ABI3BP: variants seen among roughly 807,000 people sequenced by gnomAD.
ABI3BP encodes the protein ABI family member 3 binding protein.
A neutral mutation model predicts 268.6 loss-of-function variants in ABI3BP; 216 were observed. The observed-to-expected ratio is 0.80, with a 90% CI of 0.72 to 0.90. ABI3BP has a LOEUF of 0.90. Ranked by LOEUF, ABI3BP falls within the 40% of genes least tolerant of loss-of-function variation. The probability of loss-of-function intolerance (pLI) is 0.00; values close to 1 mark genes in which losing one functional copy is unlikely to be tolerated. For synonymous variants in ABI3BP, 730 were observed against 730.0 expected (o/e 1.00, Z 0.00); for missense variants, 2,090 against 2,182.4 (o/e 0.96, Z 0.84).
In ABI3BP at chr3:100,830,701, T is replaced by G. The variant is rs1447524646; in HGVS notation, c.2402-67A>C. 4 of 1,323,502 alleles carry G rather than the reference T, an allele frequency of 3.0e-6. No homozygotes were observed. In the Admixed American group the frequency reaches 8.9e-5, roughly 29 times the overall value. 82.0% of individuals were successfully genotyped at this position (1,323,502 alleles called of 1,614,324 possible). On this transcript the variant is annotated intron_variant, in intron 31 of 67. Transcript: ENST00000471714. Reference sequence around the variant, plus strand: ...TGCATGAAATGTTGGAACATTCATCTTACCACCAAAAATCGGATTTCTAAG... The same window carrying G: ...TGCATGAAATGTTGGAACATTCATCGTACCACCAAAAATCGGATTTCTAAG...
chr3:100,810,250 T>C (rs2097824165), intron 49 of ABI3BP, among the ~76,000 whole-genome samples, 162 bp downstream of exon 49: 1 of 152,112 alleles, frequency 6.6e-6, no homozygotes, highest in Non-Finnish European at 1.5e-5. Flanking sequence ...AACACTGCCA[T>C]TTGAGTAATT....
chr3:100,830,305 G>C (rs2098470084), intron 32 of ABI3BP, among the ~76,000 whole-genome samples: 1 of 151,366 alleles, frequency 6.6e-6, no homozygotes, highest in African/African-American at 2.4e-5. Flanking sequence ...TTGAAACTTA[G>C]TAACAAAGAA....
At chr3:100,937,180 A>G (rs2066532396) in intron 1 of ABI3BP, among the ~76,000 whole-genome samples, 1 of 152,126 alleles carries the variant, frequency 6.6e-6, no homozygotes, top group Non-Finnish European at 1.5e-5. Context: ...AATGGCTGAA[A>G]TTAAAGACTG....
intron 9 of ABI3BP, among the ~76,000 whole-genome samples, chr3:100,868,247 C>T (rs935385211): frequency 6.6e-6 from 1 of 152,130 alleles, no homozygotes; most frequent in Non-Finnish European, 1.5e-5. Flanking sequence ...GGGTGGCTGG[C>T]CTGTATACTG....
At chr3:100,771,496 A>G (rs559628879) in intron 61 of ABI3BP, among the ~76,000 whole-genome samples, 1 of 151,428 alleles carries the variant, frequency 6.6e-6, no homozygotes, top group Admixed American at 6.6e-5. Flanking sequence ...GATCTCACAT[A>G]GATGTTAGAA....
intron 6 of ABI3BP, among the ~76,000 whole-genome samples, chr3:100,878,700 C>T (rs986491814): frequency 6.6e-6 from 1 of 152,078 alleles, no homozygotes; most frequent in Non-Finnish European, 1.5e-5. Context: ...AGATCCTTCC[C>T]CAGGGGAGAA....
intron 56 of ABI3BP, among the ~76,000 whole-genome samples, chr3:100,788,681 T>C (rs945862263): frequency 2.6e-5 from 4 of 152,128 alleles, no homozygotes; most frequent in Non-Finnish European, 4.4e-5. Context: ...CAATTATCTT[T>C]AGAAGTTGGA....
At chr3:100,836,103 G>A (rs2098582704) in intron 27 of ABI3BP, among the ~76,000 whole-genome samples, 1 of 152,136 alleles carries the variant, frequency 6.6e-6, no homozygotes, top group Admixed American at 6.6e-5. Context: ...TGTGAGAGTT[G>A]TGCAAAAGTC....
chr3:100,840,441 C>T (rs1284761539), intron 22 of ABI3BP, among the ~76,000 whole-genome samples: 1 of 152,010 alleles, frequency 6.6e-6, no homozygotes, highest in Non-Finnish European at 1.5e-5. Context: ...GATAGTCACT[C>T]AAAAATATTG....
Position 100,851,909 on chromosome 3 carries a change from T to C in ABI3BP, c.1317A>G (p.Thr439=), listed in dbSNP as rs2098844323. The C allele has an allele frequency of 9.4e-6, 15 of 1,588,380 alleles. No homozygotes were observed. The East Asian group carries it at 2.9e-4, about 31-fold the overall frequency. Residue 439 remains threonine, a synonymous_variant, in exon 15 of 68, where the codon ACA becomes ACG. Coordinates refer to ENST00000471714, the MANE Select transcript of ABI3BP (RefSeq NM_001375547.2). The stretch of plus-strand genomic sequence containing the variant: ...AATCTGATATCTCAGGCTCATCTGA[T>C]GTTGTAGGGCTTGAGAAAACATCAT... ...ATYDVFSSPT[T]SDEPEISDSY...
At chr3:100,966,104 GTC>G (rs2081201352) in intron 1 of ABI3BP, among the ~76,000 whole-genome samples, 1 of 152,168 alleles carries the variant, frequency 6.6e-6, no homozygotes, top group African/African-American at 2.4e-5. Flanking sequence ...GCCTGAGAAT[GTC>G]TCTGTTCTCT....
chr3:100,766,460 AAAT>A (rs1353580179), intron 62 of ABI3BP, among the ~76,000 whole-genome samples: 1 of 152,238 alleles, frequency 6.6e-6, no homozygotes, highest in Non-Finnish European at 1.5e-5. Flanking sequence ...GCAGCTAATC[AAAT>A]AATAAACTCT....
rs2093256772 is a variant in ABI3BP, at chr3:100,993,386, T to C, written c.-2A>G. ...TAGACACCCCAAACTGGAGAGCATG[T>C]TGCATTTGCCACCTCGCATGGGGAA... On this transcript the variant is annotated 5_prime_UTR_variant, in exon 1 of 68. Coordinates refer to ENST00000471714, the MANE Select transcript of ABI3BP (RefSeq NM_001375547.2). 6.4e-7 allele frequency: 1 copy of C among 1,552,456 alleles called. No homozygotes were observed. Among genetic ancestry groups the C allele is most frequent in the African/African-American group, 1.4e-5 (1 of 73,052 alleles).
At chr3:100,868,813 C>T (rs1031267042) in intron 9 of ABI3BP, among the ~76,000 whole-genome samples, 4 of 151,994 alleles carry the variant, frequency 2.6e-5, no homozygotes, top group Non-Finnish European at 5.9e-5. Flanking sequence ...AAAAATCTAG[C>T]ATAATTTTAT....
intron 14 of ABI3BP, among the ~76,000 whole-genome samples, chr3:100,858,654 A>G (rs926240559): frequency 6.6e-6 from 1 of 152,232 alleles, no homozygotes; most frequent in Admixed American, 6.5e-5. Context: ...AATGGCTGAT[A>G]AAGAGAAAAG....
chr3:100,942,132 G>T (rs989999969), intron 1 of ABI3BP, among the ~76,000 whole-genome samples: 1 of 152,036 alleles, frequency 6.6e-6, no homozygotes. Flanking sequence ...CTGGGTAGTA[G>T]GCATTAGTGA....
chr3:100,840,235 A>C lies in ABI3BP; in HGVS notation c.1805-71T>G, dbSNP rs1579934820. On this transcript the variant is annotated intron_variant, in intron 22 of 67. Transcript: ENST00000471714. The stretch of plus-strand genomic sequence containing the variant: ...CAAACTGATGATAAATATTACATCC[A>C]TCTTAGAAGGACATTTAAACCCTTT... The C allele has an allele frequency of 6.0e-6, 7 of 1,163,900 alleles. No individual in the cohort carries two copies. The East Asian group carries it at 1.9e-4, about 31-fold the overall frequency. 72.1% of individuals were successfully genotyped at this position (1,163,900 alleles called of 1,614,324 possible). A position where few individuals can be genotyped will look rare whatever the true frequency, so the allele number is the denominator to read the frequency against.
intron 2 of ABI3BP, among the ~76,000 whole-genome samples, chr3:100,919,237 T>G (rs986963471): frequency 6.6e-6 from 1 of 152,228 alleles, no homozygotes; most frequent in African/African-American, 2.4e-5. Context: ...AACCCCTATT[T>G]CTGTTTTTCT....
chr3:100,842,913 TC>T (rs1457654347), intron 20 of ABI3BP, among the ~76,000 whole-genome samples: 3 of 152,218 alleles, frequency 2.0e-5, no homozygotes, highest in African/African-American at 7.2e-5. Context: ...AAGAAACTAA[TC>T]AATGTGGCTT....
Sources: gnomAD v4.1 joint callset for allele counts (sites outside exome capture counted in the v4.1 genomes callset) on GRCh38, gnomAD v4.1.1 for gene constraint, MANE v1.5 for transcripts, NCBI Gene and HGNC (gene_info 2026-07-23, HGNC 2026-07-21) for gene names.